The following ARHGAP15 variants were observed in gnomAD, a reference collection of about 807,000 sequenced individuals.
ARHGAP15 encodes the protein Rho GTPase activating protein 15.
Under a neutral mutation model 63.7 loss-of-function variants are expected in ARHGAP15, and 51 were observed. That is an observed-to-expected ratio of 0.80 (90% CI 0.64 to 1.01). The LOEUF (loss-of-function observed/expected upper bound fraction) is 1.01. ARHGAP15 is among the 50% of genes least tolerant of loss of function. The probability of loss-of-function intolerance (pLI) is 0.00; values close to 1 mark genes in which losing one functional copy is unlikely to be tolerated. For synonymous variants in ARHGAP15, 191 were observed against 193.8 expected (o/e 0.99, Z 0.12); for missense variants, 560 against 564.6 (o/e 0.99, Z 0.08).
intron 6 of ARHGAP15, among the ~76,000 whole-genome samples, chr2:143,281,074 C>A (rs1248766568): frequency 6.6e-6 from 1 of 152,100 alleles, no homozygotes; most frequent in African/African-American, 2.4e-5. Context: ...GACAGTTACA[C>A]CCATTTTACA....
chr2:143,573,659 A>G (rs1696552295), intron 11 of ARHGAP15, among the ~76,000 whole-genome samples: 1 of 152,168 alleles, frequency 6.6e-6, no homozygotes, highest in Non-Finnish European at 1.5e-5. Context: ...TATTGACAGC[A>G]CAAGGCACAA....
At chr2:143,391,016 T>C (rs1251609363) in intron 6 of ARHGAP15, among the ~76,000 whole-genome samples, 1 of 152,174 alleles carries the variant, frequency 6.6e-6, no homozygotes, top group Non-Finnish European at 1.5e-5. Flanking sequence ...ACCTGGGGTC[T>C]CCTGTGGAGA....
rs3071055 is a variant in ARHGAP15 at position 143,390,731 on chromosome 2, GCACACACACACA to G, written c.475-44846_475-44835del. Among the ~76,000 whole-genome samples, 140 of 147,578 alleles carry G rather than the reference GCACACACACACA, an allele frequency of 9.5e-4. 2 individuals carry two copies. The highest frequency in any genetic ancestry group is 2.2e-3 in the East Asian group (11 of 4,938). ...CCAAGTACACCCTTGGAAAACACAT[GCACACACACACA>G]CACACACACACACACACACACACGT... On this transcript the variant is annotated intron_variant, in intron 6 of 13. Transcript: ENST00000295095.
intron 6 of ARHGAP15, among the ~76,000 whole-genome samples, chr2:143,283,621 A>G (rs1285557394): frequency 3.9e-5 from 6 of 152,160 alleles, no homozygotes; most frequent in African/African-American, 7.2e-5. Flanking sequence ...CAAGGCACTA[A>G]GACATTTTAC....
chr2:143,262,765 A>G (rs754673145), intron 6 of ARHGAP15, among the ~76,000 whole-genome samples: 1 of 152,060 alleles, frequency 6.6e-6, no homozygotes, highest in Admixed American at 6.6e-5. Context: ...TCTTGTACAC[A>G]TCATGAGTAT....
chr2:143,690,190 CCAA>C lies in ARHGAP15; in HGVS notation c.1139-13226_1139-13224del, dbSNP rs1056223776. Among the ~76,000 whole-genome samples the C allele has an allele frequency of 1.4e-4, 22 of 152,188 alleles. 1 individual carries two copies. The highest frequency in any genetic ancestry group is 5.1e-4 in the African/African-American group (21 of 41,452). ...CACCACTGGCACTTTCCAATTAAGA[CCAA>C]CATGTCTTCGAGTAAGTTATTCTTA... On this transcript the variant is annotated intron_variant, in intron 12 of 13. Coordinates refer to ENST00000295095, the MANE Select transcript of ARHGAP15 (RefSeq NM_018460.4).
chr2:143,447,139 A>T (rs1690180165), intron 8 of ARHGAP15, among the ~76,000 whole-genome samples: 1 of 152,140 alleles, frequency 6.6e-6, no homozygotes, highest in African/African-American at 2.4e-5. Context: ...TTGGGTATAT[A>T]CCCAGTAATG....
intron 2 of ARHGAP15, among the ~76,000 whole-genome samples, chr2:143,167,610 T>C (rs959563283): frequency 2.0e-5 from 3 of 152,108 alleles, no homozygotes; most frequent in African/African-American, 7.2e-5. Context: ...TGAAACCTTG[T>C]TCCCCAAGGT....
intron 10 of ARHGAP15, among the ~76,000 whole-genome samples, chr2:143,539,943 T>C (rs904322868): frequency 3.3e-5 from 5 of 151,922 alleles, no homozygotes; most frequent in African/African-American, 1.2e-4. Flanking sequence ...CTTGTTTACT[T>C]TCTGTCTCGT....
intron 11 of ARHGAP15, among the ~76,000 whole-genome samples, chr2:143,622,190 G>C (rs1381258882): frequency 6.6e-6 from 1 of 152,194 alleles, no homozygotes; most frequent in Non-Finnish European, 1.5e-5. Context: ...CTCTGCATGA[G>C]ATCTTAGCAG....
chr2:143,207,933 T>C (rs1038949706), intron 3 of ARHGAP15, among the ~76,000 whole-genome samples: 1 of 152,104 alleles, frequency 6.6e-6, no homozygotes, highest in African/African-American at 2.4e-5. Flanking sequence ...ATACTCTTTC[T>C]GCACTCTGGT....
chr2:143,574,461 A>C (rs1696587387), intron 11 of ARHGAP15, among the ~76,000 whole-genome samples: 1 of 152,044 alleles, frequency 6.6e-6, no homozygotes, highest in Non-Finnish European at 1.5e-5. Flanking sequence ...AAGATAAAAG[A>C]GCCTAAAACT....
chr2:143,611,201 A>G (rs1372671490), intron 11 of ARHGAP15, among the ~76,000 whole-genome samples: 1 of 152,222 alleles, frequency 6.6e-6, no homozygotes, highest in Non-Finnish European at 1.5e-5. Flanking sequence ...GGTTTGAAGC[A>G]GGCTGCTTAT....
chr2:143,620,524 C>T (rs1698610619), intron 11 of ARHGAP15, among the ~76,000 whole-genome samples: 1 of 152,202 alleles, frequency 6.6e-6, no homozygotes, highest in African/African-American at 2.4e-5. Context: ...ACATAATAGT[C>T]AATCAACTAC....
At chr2:143,541,970 C>T (rs1032452961) in intron 10 of ARHGAP15, among the ~76,000 whole-genome samples, 3 of 152,210 alleles carry the variant, frequency 2.0e-5, no homozygotes, top group African/African-American at 7.2e-5. Context: ...GCCCTGCCCC[C>T]AGAGGTGGAG....
At chr2:143,701,521 C>A (rs1359054121) in intron 12 of ARHGAP15, among the ~76,000 whole-genome samples, 2 of 152,092 alleles carry the variant, frequency 1.3e-5, no homozygotes, top group Non-Finnish European at 2.9e-5. Context: ...ATTGCTTGAG[C>A]CCTGGAGTTC....
At chr2:143,308,142 A>G (rs534385721) in intron 6 of ARHGAP15, among the ~76,000 whole-genome samples, 1 of 152,260 alleles carries the variant, frequency 6.6e-6, no homozygotes, top group East Asian at 1.9e-4. Context: ...GTAGAGGAGA[A>G]TGGAGAGAGA....
intron 9 of ARHGAP15, among the ~76,000 whole-genome samples, chr2:143,517,437 TTCTA>T (rs1693870914): frequency 6.6e-6 from 1 of 152,204 alleles, no homozygotes; most frequent in African/African-American, 2.4e-5. Flanking sequence ...TGCATTATTA[TTCTA>T]TCTAATTTTA....
At chr2:143,452,970 A>G (rs1272945386) in intron 8 of ARHGAP15, among the ~76,000 whole-genome samples, 1 of 151,966 alleles carries the variant, frequency 6.6e-6, no homozygotes, top group East Asian at 1.9e-4. Context: ...TATGAACAGT[A>G]TTGTAAGAAC....
Sources: gnomAD v4.1 joint callset for allele counts (sites outside exome capture counted in the v4.1 genomes callset) on GRCh38, gnomAD v4.1.1 for gene constraint, MANE v1.5 for transcripts, NCBI Gene and HGNC (gene_info 2026-07-23, HGNC 2026-07-21) for gene names.